TET1: variants seen among roughly 807,000 people sequenced by gnomAD.
The protein encoded by TET1 is tet methylcytosine dioxygenase 1.
A neutral mutation model predicts 148.7 loss-of-function variants in TET1; 13 were observed. The observed-to-expected ratio is 0.09, with a 90% CI of 0.06 to 0.14. The LOEUF (loss-of-function observed/expected upper bound fraction) is 0.14. Among genes scored for constraint, TET1 ranks in the 10% least tolerant of loss-of-function variants. TET1 has a pLI of 1.00. For synonymous variants in TET1, 907 were observed against 937.2 expected (o/e 0.97, Z 0.59); for missense variants, 2,182 against 2,553.8 (o/e 0.85, Z 3.14).
intron 3 of TET1, among the ~76,000 whole-genome samples, chr10:68,611,520 C>T (rs554759414): frequency 1.8e-4 from 27 of 151,726 alleles, no homozygotes; most frequent in Middle Eastern, 3.4e-3. Context: ...GGCATAGTGG[C>T]TTATGACTGT....
intron 2 of TET1, among the ~76,000 whole-genome samples, chr10:68,587,131 G>A (rs534296298): frequency 6.1e-4 from 93 of 152,264 alleles, no homozygotes; most frequent in African/African-American, 2.1e-3. Context: ...TGACTATGCC[G>A]CAGTTATTTT....
chr10:68,590,566 T>C lies in TET1; in HGVS notation c.1915-10415T>C, dbSNP rs530993613. Among the ~76,000 whole-genome samples the C allele has an allele frequency of 6.6e-5, 10 of 152,184 alleles. 1 individual carries two copies. The highest frequency in any genetic ancestry group is 2.0e-4 in the Admixed American group (3 of 15,282). ...TCTCCCCAAGGATATCCTCGTTTTG[T>C]ATAAGATCCCAGCACTTTGAGAGGC... On this transcript the variant is annotated intron_variant, in intron 2 of 11. Coordinates refer to ENST00000373644, the MANE Select transcript of TET1 (RefSeq NM_030625.3).
intron 3 of TET1, among the ~76,000 whole-genome samples, chr10:68,614,620 G>A (rs866530981): frequency 1.1e-4 from 16 of 152,246 alleles, no homozygotes; most frequent in Admixed American, 7.2e-4. Context: ...AGGTTCAAGC[G>A]ATTCTTGTGC....
intron 3 of TET1, among the ~76,000 whole-genome samples, chr10:68,624,658 TTCTC>T (rs201414722): frequency 6.3e-4 from 60 of 95,258 alleles, no homozygotes; most frequent in Non-Finnish European, 1.1e-3. Context: ...CTTTCTTTCT[TTCTC>T]TCTCTCTCTC....
At chr10:68,626,105 A>G (rs76130903) in intron 3 of TET1, among the ~76,000 whole-genome samples, 49,394 of 85,856 alleles carry the variant, frequency 0.58, 10,713 homozygotes, top group East Asian at 0.63. Flanking sequence ...AAAGAAAAAA[A>G]AAAAGAAAAG....
chr10:68,677,516 C>G (rs1357651660), intron 8 of TET1, among the ~76,000 whole-genome samples: 1 of 152,170 alleles, frequency 6.6e-6, no homozygotes, highest in Non-Finnish European at 1.5e-5. Flanking sequence ...CTGGATGGAA[C>G]TTATGTTCAG....
intron 3 of TET1, among the ~76,000 whole-genome samples, chr10:68,616,353 G>GAGTTTTGA (rs1213744415): frequency 4.0e-5 from 6 of 150,350 alleles, no homozygotes; most frequent in African/African-American, 1.5e-4. Flanking sequence ...TGCATTTGCT[G>GAGTTTTGA]ATGATTACAT....
chr10:68,587,913 C>CT (rs2053877890), intron 2 of TET1, among the ~76,000 whole-genome samples: 1 of 152,158 alleles, frequency 6.6e-6, no homozygotes, highest in Non-Finnish European at 1.5e-5. Flanking sequence ...CAGTCTCACT[C>CT]TATCACCCAG....
intron 2 of TET1, among the ~76,000 whole-genome samples, chr10:68,582,248 C>T (rs555334889): frequency 6.6e-6 from 1 of 152,132 alleles, no homozygotes; most frequent in East Asian, 1.9e-4. Context: ...TACAGGCATG[C>T]ACCACTACGC....
intron 8 of TET1, among the ~76,000 whole-genome samples, chr10:68,675,823 C>G (rs976468920): frequency 3.9e-5 from 6 of 151,934 alleles, no homozygotes; most frequent in African/African-American, 1.5e-4. Context: ...TGCCAGGTGC[C>G]CAATTAATAC....
At position 68,691,824 on chromosome 10, in the gene TET1, TC is replaced by T; in HGVS notation, c.*15del. 1 of 1,599,178 alleles carries T rather than the reference TC, an allele frequency of 6.3e-7. No homozygotes were observed. Among genetic ancestry groups the T allele is most frequent in the Non-Finnish European group, 8.5e-7 (1 of 1,173,162 alleles). ...TAACCATTGGGTCTGAAGGCTTTTC[TC>T]CCCCTCTTAATGCCTTTGCTAGTGC... On this transcript the variant is annotated 3_prime_UTR_variant, in exon 12 of 12. Coordinates refer to ENST00000373644, the MANE Select transcript of TET1 (RefSeq NM_030625.3). This position sits in a 1 kb window ranked among gnomAD's most constrained non-coding sequence, Gnocchi z 4.4.
chr10:68,691,922 A>G lies in TET1; in HGVS notation c.*108A>G. 1 of 1,304,360 alleles carries G rather than the reference A, an allele frequency of 7.7e-7. No homozygotes were observed. The highest frequency in any genetic ancestry group is 1.6e-5 in the South Asian group (1 of 61,366). The allele number at this position is 1,304,360 out of a possible 1,614,324, so 80.8% of individuals were successfully genotyped here. On this transcript the variant is annotated 3_prime_UTR_variant, in exon 12 of 12. Transcript: ENST00000373644. This position sits in a 1 kb window ranked among gnomAD's most constrained non-coding sequence, Gnocchi z 4.4. ...TACTATCTTCATCTCACCCATTTCA[A>G]GTCTGAGGTAAAAAAATAATAATGA...
At chr10:68,652,049 T>C (rs2054943332) in intron 5 of TET1, 113 bp downstream of exon 5, 1 of 992,320 alleles carries the variant, frequency 1.0e-6, no homozygotes. Context: ...GGAGTATGAG[T>C]TGGATGTTTC....
intron 6 of TET1, among the ~76,000 whole-genome samples, chr10:68,661,348 T>C (rs1564498305): frequency 6.6e-6 from 1 of 151,422 alleles, no homozygotes. Flanking sequence ...GCACCCAGCC[T>C]CTAATATTAG....
At chr10:68,649,558 A>G (rs1257856588) in intron 4 of TET1, among the ~76,000 whole-genome samples, 1 of 150,230 alleles carries the variant, frequency 6.7e-6, no homozygotes, top group African/African-American at 2.5e-5. Flanking sequence ...GTGAGCCGAG[A>G]TCACGCCACT....
Position 68,686,378 on chromosome 10 carries a change from A to G in TET1, c.5075A>G (p.Asp1692Gly), listed in dbSNP as rs1420167404. The change falls in exon 11 of 12, where the codon GAT becomes GGT. Residue 1692 changes from aspartate (D) to glycine (G), a missense_variant. By Grantham distance (94) the Asp-to-Gly change is moderately conservative. Transcript: ENST00000373644. Reference protein sequence around the residue: ...STVVCTLTREDNRSLGVIPQD... With the variant: ...STVVCTLTREGNRSLGVIPQD... Reference sequence around the variant, plus strand: ...CAGGTTTGTACCTTAACTCGAGAAGATAACCGCTCTTTGGGTGTTATTCCT... The same window carrying G: ...CAGGTTTGTACCTTAACTCGAGAAGGTAACCGCTCTTTGGGTGTTATTCCT... The G allele has an allele frequency of 6.2e-7, 1 of 1,608,176 alleles. No individual in the cohort carries two copies. Among genetic ancestry groups the G allele is most frequent in the Non-Finnish European group, 8.5e-7 (1 of 1,176,514 alleles).
intron 7 of TET1, among the ~76,000 whole-genome samples, chr10:68,668,450 A>G (rs1184957396): frequency 6.6e-6 from 1 of 152,254 alleles, no homozygotes; most frequent in Admixed American, 6.5e-5. Flanking sequence ...TCAGTTTCTA[A>G]CAGCCTGTTG....
At position 68,642,633 on chromosome 10, in the gene TET1, T is replaced by C. The variant is rs546066287; in HGVS notation, c.1969-2065T>C. On this transcript the variant is annotated intron_variant, in intron 3 of 11. Coordinates refer to ENST00000373644, the MANE Select transcript of TET1 (RefSeq NM_030625.3). Reference sequence around the variant, plus strand: ...CTTCTTTTTTTTTTGAGATGGAGTTTCACTCCTATTGCCTAAGGTGGAGTG... The same window carrying C: ...CTTCTTTTTTTTTTGAGATGGAGTTCCACTCCTATTGCCTAAGGTGGAGTG... Among the ~76,000 whole-genome samples the C allele has an allele frequency of 3.3e-5, 5 of 152,184 alleles. No homozygotes were observed. In the East Asian group the frequency reaches 7.8e-4, roughly 24 times the overall value.
chr10:68,659,555 G>A (rs369837598), intron 6 of TET1, among the ~76,000 whole-genome samples: 2 of 152,224 alleles, frequency 1.3e-5, no homozygotes, highest in South Asian at 2.1e-4. Flanking sequence ...CTGACCTTAA[G>A]TGATCCACCC....
Sources: gnomAD v4.1 joint callset for allele counts (sites outside exome capture counted in the v4.1 genomes callset) on GRCh38, gnomAD v4.1.1 for gene constraint, Gnocchi (gnomAD v3.1) non-coding constraint, MANE v1.5 for transcripts, NCBI Gene and HGNC (gene_info 2026-07-23, HGNC 2026-07-21) for gene names.